ALMS1: variants seen among roughly 807,000 people sequenced by gnomAD.
ALMS1 encodes ALMS1 centrosome and basal body associated protein, also known as centrosome-associated protein ALMS1.
A neutral mutation model predicts 352.2 loss-of-function variants in ALMS1; 271 were observed. The ratio of observed to expected loss-of-function variants is 0.77; its 90% confidence interval spans 0.70 to 0.85. The LOEUF is 0.85. ALMS1 is among the 40% of genes least tolerant of loss of function. The pLI is 0.00. For synonymous variants in ALMS1, 1,865 were observed against 1,761.2 expected, an observed-to-expected ratio of 1.06 and a Z score of -1.48; for missense variants, 5,445 against 4,870.7, an observed-to-expected ratio of 1.12 and a Z score of -3.51.
chr2:73,421,286 T>G (rs1320958623), intron 3 of ALMS1, among the ~76,000 whole-genome samples: 1 of 152,164 alleles, frequency 6.6e-6, no homozygotes, highest in African/African-American at 2.4e-5. Context: ...TAACTCTAAT[T>G]TTTTTTGAGA....
At chr2:73,581,498 C>A (rs942215007) in intron 16 of ALMS1, among the ~76,000 whole-genome samples, 1 of 152,206 alleles carries the variant, frequency 6.6e-6, no homozygotes, top group African/African-American at 2.4e-5. Context: ...AGTTAAAATG[C>A]TACAAAGTTC....
chr2:73,600,715 T>C lies in ALMS1; in HGVS notation c.11706T>C (p.Thr3902=), dbSNP rs773812568. Residue 3902 remains threonine (T), a synonymous_variant, in exon 18 of 23, where the codon ACT becomes ACC. Coordinates refer to ENST00000613296, the MANE Select transcript of ALMS1 (RefSeq NM_001378454.1). ...TTGTGAACGGTGCCAAAAAACACAC[T>C]CGAGATGTTGGGATAACTTTCCCAA... ...LEIVNGAKKH[T]RDVGITFPTP... is the part of the protein sequence containing the mutation. 5 of 1,614,072 alleles carry C rather than the reference T, an allele frequency of 3.1e-6. No homozygotes were observed. Among genetic ancestry groups the C allele is most frequent in the African/African-American group, 1.3e-5 (1 of 75,022 alleles).
rs1343417364 is a variant in ALMS1, at chr2:73,519,915, A to C, written c.9680A>C (p.His3227Pro). 1 of 1,614,034 alleles carries C rather than the reference A, an allele frequency of 6.2e-7. No homozygotes were observed. The highest frequency in any genetic ancestry group is 1.1e-5 in the South Asian group (1 of 91,088). ...EIFINAEDRG[H>P]EIIEPGNQKL... ...TTTATTAATGCTGAAGATCGTGGAC[A>C]TGAAATTATAGAGCCTGGTAACCAG... The change falls in exon 11 of 23, where the codon CAT becomes CCT. Residue 3227 changes from histidine (H) to proline (P), a missense_variant. Transcript: ENST00000613296.
At position 73,490,781 on chromosome 2, in the gene ALMS1, A is replaced by G. The variant is rs773180704; in HGVS notation, c.8822A>G (p.Gln2941Arg). The G allele has an allele frequency of 1.5e-4, 235 of 1,613,998 alleles. 4 individuals are homozygous for G. The East Asian group carries it at 5.1e-3, about 35-fold the overall frequency. ...EQCKAPYVDH[Q>R]MRENHSPLPQ... The stretch of plus-strand genomic sequence containing the variant: ...TGCAAAGCCCCATATGTAGATCATC[A>G]AATGAGAGAAAACCATTCTCCCCTT... The change falls in exon 10 of 23, where the codon CAA becomes CGA. Residue 2941 changes from glutamine (Q) to arginine (R), a missense_variant. By Grantham distance (43) the Gln-to-Arg change is conservative. Transcript: ENST00000613296.
intron 7 of ALMS1, among the ~76,000 whole-genome samples, chr2:73,442,860 C>A (rs1025837554): frequency 6.6e-6 from 1 of 152,132 alleles, no homozygotes; most frequent in African/African-American, 2.4e-5. Flanking sequence ...TATGAAATGT[C>A]TTCATTTGGA....
Position 73,449,833 on chromosome 2 carries a change from G to A in ALMS1, c.3306G>A (p.Lys1102=), listed in dbSNP as rs1192719876. 1.2e-6 allele frequency: 2 copies of A among 1,614,010 alleles called. No homozygotes were observed. The highest frequency in any genetic ancestry group is 1.1e-5 in the South Asian group (1 of 91,074). Reference sequence around the variant, plus strand: ...CTACTTTCTACTCACAAAGAGAGAAGCCTGGTATTTTCTACCAACAGACCT... The same window carrying A: ...CTACTTTCTACTCACAAAGAGAGAAACCTGGTATTTTCTACCAACAGACCT... ...VPSTFYSQRE[K]PGIFYQQTLP... is the part of the protein sequence containing the mutation. The change falls in exon 8 of 23, where the codon AAG becomes AAA. Residue 1102 remains lysine (K), a synonymous_variant. Transcript: ENST00000613296.
intron 6 of ALMS1, among the ~76,000 whole-genome samples, chr2:73,426,772 T>C (rs1367822326): frequency 6.6e-6 from 1 of 152,238 alleles, no homozygotes; most frequent in East Asian, 1.9e-4. Context: ...ACTTTACAAC[T>C]ACCATCTGAG....
At chr2:73,518,088 T>TG (rs1673597843) in intron 10 of ALMS1, among the ~76,000 whole-genome samples, 1 of 134,408 alleles carries the variant, frequency 7.4e-6, no homozygotes, top group African/African-American at 3.1e-5. Flanking sequence ...TACCCAGTAG[T>TG]TTTTTTTTTT....
intron 16 of ALMS1, among the ~76,000 whole-genome samples, chr2:73,583,003 C>A (rs1039206382): frequency 1.3e-5 from 2 of 151,208 alleles, no homozygotes; most frequent in African/African-American, 2.4e-5. Context: ...CAACAATGTA[C>A]AAGGGTTCTA....
chr2:73,532,509 C>T (rs75719120), intron 11 of ALMS1, among the ~76,000 whole-genome samples: 3,414 of 152,312 alleles, frequency 0.022, 83 homozygotes, highest in Non-Finnish European at 0.031. Flanking sequence ...ATGGCCACCA[C>T]TGCCCCAGGC....
At chr2:73,531,448 C>T (rs188836878) in intron 11 of ALMS1, among the ~76,000 whole-genome samples, 137 of 152,292 alleles carry the variant, frequency 9.0e-4, no homozygotes, top group Non-Finnish European at 1.6e-3. Context: ...TCTGAGACTA[C>T]CTCAACCTGG....
chr2:73,555,805 A>T (rs374100899), intron 13 of ALMS1, among the ~76,000 whole-genome samples: 1 of 152,174 alleles, frequency 6.6e-6, no homozygotes, highest in Admixed American at 6.5e-5. Flanking sequence ...ATACAGTAGA[A>T]TAATACATAA....
Position 73,452,871 on chromosome 2 carries a change from C to T in ALMS1, c.6344C>T (p.Thr2115Ile), listed in dbSNP as rs201365630. 9.9e-6 allele frequency: 16 copies of T among 1,613,738 alleles called. No individual in the cohort carries two copies. Among genetic ancestry groups the T allele is most frequent in the Non-Finnish European group, 1.1e-5 (13 of 1,179,966 alleles). The change falls in exon 8 of 23, where the codon ACT (threonine) becomes ATT (isoleucine). Residue 2115 changes from threonine to isoleucine, a missense_variant. Transcript: ENST00000613296. ...CAGGAATTGCCAGGTAGTCATGTAA[C>T]TGAAGATGTGCTGAAGGTTTCAACA... is the stretch of plus-strand genomic sequence containing the variant. ...SPQELPGSHV[T>I]EDVLKVSTIP... is the part of the protein sequence containing the mutation.
chr2:73,586,281 T>C (rs1239614159), intron 16 of ALMS1, among the ~76,000 whole-genome samples: 1 of 152,356 alleles, frequency 6.6e-6, no homozygotes, highest in East Asian at 1.9e-4. Context: ...TGTTTTTTGT[T>C]GCATTTACTT....
chr2:73,564,208 A>G (rs1674730932), intron 15 of ALMS1, among the ~76,000 whole-genome samples: 2 of 152,090 alleles, frequency 1.3e-5, no homozygotes, highest in Admixed American at 6.5e-5. Context: ...GCTCATGTCT[A>G]TAATCCCAGC....
At chr2:73,514,238 A>G (rs1403943530) in intron 10 of ALMS1, among the ~76,000 whole-genome samples, 1 of 152,126 alleles carries the variant, frequency 6.6e-6, no homozygotes, top group Non-Finnish European at 1.5e-5. Flanking sequence ...TTATTGAGCT[A>G]GTTGATTTTG....
intron 10 of ALMS1, among the ~76,000 whole-genome samples, chr2:73,510,069 G>A (rs1325197887): frequency 6.6e-6 from 1 of 152,108 alleles, no homozygotes; most frequent in African/African-American, 2.4e-5. Flanking sequence ...AGCTCCAGCA[G>A]GTCATTTATG....
intron 8 of ALMS1, among the ~76,000 whole-genome samples, chr2:73,454,905 A>G (rs1672028121): frequency 6.6e-6 from 1 of 152,256 alleles, no homozygotes; most frequent in African/African-American, 2.4e-5. Flanking sequence ...AGGAGGATTA[A>G]GATAAATATG....
At position 73,608,509 on chromosome 2, in the gene ALMS1, A is replaced by G; in HGVS notation, c.12397A>G (p.Arg4133Gly). ...YEQLPEVQKK[R>G]EEEKRKSEYK... The stretch of plus-strand genomic sequence containing the variant: ...GCAGCTTCCAGAAGTACAGAAAAAG[A>G]GAGAAGAAGAGAAGAGAAAATCAGA... The change falls in exon 22 of 23, where the codon AGA becomes GGA. Residue 4133 changes from arginine to glycine, a missense_variant. Coordinates refer to ENST00000613296, the MANE Select transcript of ALMS1 (RefSeq NM_001378454.1). The G allele has an allele frequency of 6.2e-7, 1 of 1,613,980 alleles. No homozygotes were observed. Among genetic ancestry groups the G allele is most frequent in the Non-Finnish European group, 8.5e-7 (1 of 1,179,892 alleles).
Sources: allele counts gnomAD v4.1 joint callset (sites outside exome capture counted in the v4.1 genomes callset), GRCh38; gene constraint gnomAD v4.1.1; transcripts MANE v1.5; gene names NCBI Gene and HGNC (gene_info 2026-07-23, HGNC 2026-07-21).